FBXL17: variants seen among roughly 807,000 people sequenced by gnomAD.
The protein encoded by FBXL17 is F-box and leucine rich repeat protein 17, also known as F-box/LRR-repeat protein 17.
In FBXL17, 22 loss-of-function variants were observed where a neutral mutation model predicts 66.2. That is an observed-to-expected ratio of 0.33 (90% confidence interval 0.24 to 0.47). The LOEUF is 0.47. FBXL17 is among the 20% of genes least tolerant of loss of function. FBXL17 has a pLI of 1.00. For synonymous variants in FBXL17, 474 were observed against 400.5 expected, an observed-to-expected ratio of 1.18 and a Z score of -2.19; for missense variants, 878 against 948.2, an observed-to-expected ratio of 0.93 and a Z score of 0.97.
At chr5:108,069,876 C>T (rs1748264415) in intron 6 of FBXL17, among the ~76,000 whole-genome samples, 1 of 152,080 alleles carries the variant, frequency 6.6e-6, no homozygotes, top group Admixed American at 6.6e-5. Flanking sequence ...ATATTCCAGA[C>T]TACTAGCTGT....
chr5:108,267,503 T>A (rs1328834169), intron 4 of FBXL17, among the ~76,000 whole-genome samples: 1 of 152,116 alleles, frequency 6.6e-6, no homozygotes, highest in African/African-American at 2.4e-5. Flanking sequence ...CTACTAGTCA[T>A]AAGTAGTGTA....
intron 7 of FBXL17, among the ~76,000 whole-genome samples, chr5:107,906,264 T>C (rs1219449669): frequency 1.3e-5 from 2 of 152,078 alleles, no homozygotes; most frequent in East Asian, 3.9e-4. Context: ...TAAATGTGAA[T>C]AAAATATATC....
intron 4 of FBXL17, among the ~76,000 whole-genome samples, chr5:108,225,354 T>C (rs1255127248): frequency 1.4e-4 from 21 of 152,202 alleles, no homozygotes; most frequent in Admixed American, 1.4e-3. Flanking sequence ...TAACCCTCAC[T>C]ACCTCAGAAT....
At chr5:108,253,355 T>C (rs1319879391) in intron 4 of FBXL17, among the ~76,000 whole-genome samples, 1 of 152,178 alleles carries the variant, frequency 6.6e-6, no homozygotes, top group Non-Finnish European at 1.5e-5. Flanking sequence ...AAATGATTCA[T>C]ACCTGCTAAA....
intron 7 of FBXL17, among the ~76,000 whole-genome samples, chr5:107,971,108 T>G (rs773521481): frequency 6.6e-6 from 1 of 152,182 alleles, no homozygotes; most frequent in Non-Finnish European, 1.5e-5. Context: ...AGGGAACAAT[T>G]TGAGCATAAT....
intron 6 of FBXL17, among the ~76,000 whole-genome samples, chr5:108,027,277 G>A (rs1191699254): frequency 1.3e-5 from 2 of 152,044 alleles, no homozygotes; most frequent in African/African-American, 2.4e-5. Flanking sequence ...GAAACAAGAC[G>A]ATTAAATGTT....
chr5:107,900,942 A>G (rs1749553531), intron 7 of FBXL17, among the ~76,000 whole-genome samples: 1 of 152,180 alleles, frequency 6.6e-6, no homozygotes, highest in Non-Finnish European at 1.5e-5. Context: ...TCAGGGGATT[A>G]GAGGATTTGT....
At chr5:108,134,931 A>G (rs917653883) in intron 6 of FBXL17, among the ~76,000 whole-genome samples, 3 of 152,140 alleles carry the variant, frequency 2.0e-5, no homozygotes, top group Non-Finnish European at 2.9e-5. Context: ...GTGTTTAATA[A>G]ATTTGTATTT....
intron 5 of FBXL17, among the ~76,000 whole-genome samples, chr5:108,193,064 A>G (rs1753533104): frequency 6.6e-6 from 1 of 152,210 alleles, no homozygotes; most frequent in Non-Finnish European, 1.5e-5. Context: ...ATATGTTCAA[A>G]TGTCAATTAG....
intron 3 of FBXL17, among the ~76,000 whole-genome samples, chr5:108,355,293 TTTATTTA>T (rs1427888075): frequency 1.1e-4 from 16 of 150,548 alleles, no homozygotes; most frequent in Non-Finnish European, 2.2e-4. Flanking sequence ...TATTTATTTA[TTTATTTA>T]TTTATTTTTG....
chr5:107,859,687 A>G lies in FBXL17; in HGVS notation c.*2033T>C, dbSNP rs1748071886. The G allele has an allele frequency of 1.3e-5, 2 of 152,030 alleles. No homozygotes were observed. Among genetic ancestry groups the G allele is most frequent in the African/African-American group, 2.4e-5 (1 of 41,424 alleles). The allele number at this position is 152,030 out of a possible 1,614,324, so 9.4% of individuals were successfully genotyped here. ...CTGTAACACTCCAAAGGTTATTACA[A>G]CTTTGAACTGAAATGGTACCATCTA... On this transcript the variant is annotated 3_prime_UTR_variant, in exon 9 of 9. Coordinates refer to ENST00000542267, the MANE Select transcript of FBXL17 (RefSeq NM_001163315.3).
At chr5:108,015,637 C>T (rs1246181008) in intron 7 of FBXL17, among the ~76,000 whole-genome samples, 1 of 152,054 alleles carries the variant, frequency 6.6e-6, no homozygotes, top group Admixed American at 6.6e-5. Flanking sequence ...TTTATCAGTG[C>T]TAGTCTGGCA....
intron 6 of FBXL17, among the ~76,000 whole-genome samples, chr5:108,034,147 C>T (rs1332251708): frequency 6.6e-6 from 1 of 152,142 alleles, no homozygotes; most frequent in Non-Finnish European, 1.5e-5. Flanking sequence ...ACATATCCAG[C>T]AACGACCAGA....
At chr5:108,230,863 T>C (rs1755307042) in intron 4 of FBXL17, among the ~76,000 whole-genome samples, 2 of 151,828 alleles carry the variant, frequency 1.3e-5, no homozygotes, top group Admixed American at 6.6e-5. Flanking sequence ...GGGTGATGGG[T>C]GCACCAAAAT....
At chr5:108,007,444 G>A (rs1359316568) in intron 7 of FBXL17, among the ~76,000 whole-genome samples, 1 of 152,074 alleles carries the variant, frequency 6.6e-6, no homozygotes, top group Non-Finnish European at 1.5e-5. Context: ...CTAGCAGGTT[G>A]TAGATTTAGA....
intron 7 of FBXL17, among the ~76,000 whole-genome samples, chr5:107,962,412 C>T (rs1175218540): frequency 2.6e-5 from 4 of 152,082 alleles, no homozygotes; most frequent in Admixed American, 2.6e-4. Context: ...CCCATCCATT[C>T]TGTGTCAGAC....
At chr5:108,288,449 A>G (rs952733405) in intron 4 of FBXL17, among the ~76,000 whole-genome samples, 2 of 152,082 alleles carry the variant, frequency 1.3e-5, no homozygotes, top group African/African-American at 2.4e-5. Flanking sequence ...ATATCTCAGA[A>G]GCATAATAAA....
At chr5:108,113,359 C>A in intron 6 of FBXL17, among the ~76,000 whole-genome samples, 1 of 151,978 alleles carries the variant, frequency 6.6e-6, no homozygotes. Flanking sequence ...GAGATAGATG[C>A]TATGCTAAGC....
chr5:107,917,139 A>G (rs965838690), intron 7 of FBXL17, among the ~76,000 whole-genome samples: 2 of 152,204 alleles, frequency 1.3e-5, no homozygotes, highest in African/African-American at 4.8e-5. Flanking sequence ...CGCCACTACT[A>G]TTACAATTAC....
Sources: allele counts gnomAD v4.1 joint callset (sites outside exome capture counted in the v4.1 genomes callset), GRCh38; gene constraint gnomAD v4.1.1; transcripts MANE v1.5; gene names NCBI Gene and HGNC (gene_info 2026-07-23, HGNC 2026-07-21).